The following FBXO25 variants were observed in gnomAD, a reference collection of about 807,000 sequenced individuals.
The protein encoded by FBXO25 is F-box only protein 25.
A neutral mutation model predicts 51.9 loss-of-function variants in FBXO25; 45 were observed. That is an observed-to-expected ratio of 0.87 (90% CI 0.68 to 1.11). The LOEUF (loss-of-function observed/expected upper bound fraction) is 1.11. Among genes scored for constraint, FBXO25 ranks in the 50% most tolerant of loss-of-function variants. The probability of loss-of-function intolerance (pLI) is 0.00; values close to 1 mark genes in which losing one functional copy is unlikely to be tolerated. For synonymous variants in FBXO25, 199 were observed against 151.0 expected (o/e 1.32, Z -2.33); for missense variants, 507 against 428.5 (o/e 1.18, Z -1.62).
chr8:426,857 G>T (rs1458657192), intron 2 of FBXO25, among the ~76,000 whole-genome samples: 284 of 146,184 alleles, frequency 1.9e-3, no homozygotes, highest in South Asian at 0.01. Flanking sequence ...CTCCCTTCAT[G>T]TAAGAAGGGT....
At chr8:462,937 A>C in intron 8 of FBXO25, 70 bp from the exon 9 acceptor site, 1 of 1,512,076 alleles carries the variant, frequency 6.6e-7, no homozygotes, top group South Asian at 1.3e-5. Context: ...AAAATGAAAA[A>C]GTTTTACACC....
At chr8:441,319 A>G (rs1174761264) in intron 5 of FBXO25, among the ~76,000 whole-genome samples, 2 of 152,234 alleles carry the variant, frequency 1.3e-5, no homozygotes, top group Non-Finnish European at 2.9e-5. Flanking sequence ...CCATATGCAA[A>G]AAACTGAAAC....
At chr8:448,703 T>G (rs1430829944) in intron 5 of FBXO25, among the ~76,000 whole-genome samples, 5 of 152,070 alleles carry the variant, frequency 3.3e-5, no homozygotes, top group Non-Finnish European at 4.4e-5. Context: ...AGGTCGGTGG[T>G]TAGAGGTTTG....
chr8:427,591 A>G (rs1281923930), intron 2 of FBXO25, among the ~76,000 whole-genome samples: 1 of 148,962 alleles, frequency 6.7e-6, no homozygotes, highest in Non-Finnish European at 1.5e-5. Context: ...TGTCCTCACA[A>G]TTCTGGAGGC....
intron 9 of FBXO25, among the ~76,000 whole-genome samples, chr8:464,408 C>T (rs181979878): frequency 6.6e-6 from 1 of 152,344 alleles, no homozygotes; most frequent in Non-Finnish European, 1.5e-5. Context: ...TGGAGTGACC[C>T]TGCTGAGCTG....
intron 8 of FBXO25, among the ~76,000 whole-genome samples, chr8:459,754 G>A (rs960338986): frequency 2.6e-5 from 4 of 152,158 alleles, no homozygotes; most frequent in African/African-American, 7.2e-5. Context: ...GAGAGGACAG[G>A]AGGCAACGGG....
intron 5 of FBXO25, among the ~76,000 whole-genome samples, chr8:444,255 C>G (rs892066387): frequency 2.6e-5 from 4 of 152,128 alleles, no homozygotes; most frequent in African/African-American, 7.2e-5. Flanking sequence ...TGTAGTAAGG[C>G]TGACTTTAAA....
intron 2 of FBXO25, 118 bp downstream of exon 2, chr8:413,331 G>A (rs1218410656): frequency 5.9e-6 from 8 of 1,352,798 alleles, no homozygotes; most frequent in East Asian, 2.7e-5. Context: ...CAGAAGGCTG[G>A]TGTGAAGAGA....
chr8:463,049 T>C lies in FBXO25; in HGVS notation c.886T>C (p.Trp296Arg). 1 of 1,613,520 alleles carries C rather than the reference T, an allele frequency of 6.2e-7. No individual in the cohort carries two copies. The highest frequency in any genetic ancestry group is 8.5e-7 in the Non-Finnish European group (1 of 1,179,896). The change falls in exon 9 of 10, where the codon TGG (tryptophan) becomes CGG (arginine). Residue 296 changes from tryptophan to arginine, a missense_variant. Coordinates refer to ENST00000350302, the MANE Select transcript of FBXO25 (RefSeq NM_183420.2). Reference sequence around the variant, plus strand: ...CCTTTCAGAAAAAGGTCATATTGAATGGAAGTTGATGTACTTTGCACTTCA... The same window carrying C: ...CCTTTCAGAAAAAGGTCATATTGAACGGAAGTTGATGTACTTTGCACTTCA... ...LILSEKGHIEWKLMYFALQKH... is the reference protein window; with the variant it reads ...LILSEKGHIERKLMYFALQKH...
chr8:411,842 G>C (rs73669372), intron 1 of FBXO25, among the ~76,000 whole-genome samples: 6,406 of 152,220 alleles, frequency 0.042, 190 homozygotes, highest in African/African-American at 0.078. Flanking sequence ...GTGAGCATCT[G>C]AGGTGGTTTT....
At chr8:416,778 G>T (rs1287579256) in intron 2 of FBXO25, among the ~76,000 whole-genome samples, 4 of 152,228 alleles carry the variant, frequency 2.6e-5, no homozygotes, top group Non-Finnish European at 5.9e-5. Flanking sequence ...ACTATGTGCT[G>T]TGGTGTCAGG....
intron 5 of FBXO25, among the ~76,000 whole-genome samples, chr8:439,097 G>A (rs182707569): frequency 7.2e-5 from 11 of 152,338 alleles, no homozygotes; most frequent in African/African-American, 2.6e-4. Flanking sequence ...CACAGAGAGG[G>A]AGACCAGTAC....
chr8:467,746 G>C, intron 9 of FBXO25: 5 of 1,613,898 alleles, frequency 3.1e-6, no homozygotes, highest in Non-Finnish European at 4.2e-6. Context: ...TACTATTCAA[G>C]GTACTTCCCT....
intron 2 of FBXO25, among the ~76,000 whole-genome samples, chr8:418,104 G>A (rs950613164): frequency 6.6e-6 from 1 of 152,036 alleles, no homozygotes; most frequent in African/African-American, 2.4e-5. Context: ...TCATCATGAG[G>A]GAATAATGGC....
chr8:450,049 T>C lies in FBXO25; in HGVS notation c.441T>C (p.Asn147=). Residue 147 remains asparagine (N), a synonymous_variant, in exon 6 of 10, where the codon AAT becomes AAC. Coordinates refer to ENST00000350302, the MANE Select transcript of FBXO25 (RefSeq NM_183420.2). ...CATTGAGTGGCGTGGCACAGAAGAA[T>C]TACTTCAACATTTTGGATAAAATCG... ...LTSLSGVAQK[N]YFNILDKIVQ... is the part of the protein sequence containing the mutation. 2 of 1,613,406 alleles carry C rather than the reference T, an allele frequency of 1.2e-6. No homozygotes were observed. The highest frequency in any genetic ancestry group is 2.2e-5 in the East Asian group (1 of 44,850).
In FBXO25 at chr8:463,018, T is replaced by G; in HGVS notation, c.855T>G (p.His285Gln). Residue 285 changes from histidine to glutamine, a missense_variant, in exon 9 of 10, where the codon CAT becomes CAG. By Grantham distance (24) the His-to-Gln change is conservative. Transcript: ENST00000350302. Reference sequence around the variant, plus strand: ...TTTTGTTTGTTTAGTTTTGTAGACATTTGATCCTTTCAGAAAAAGGTCATA... The same window carrying G: ...TTTTGTTTGTTTAGTTTTGTAGACAGTTGATCCTTTCAGAAAAAGGTCATA... ...YHFAEKQFCR[H>Q]LILSEKGHIE... 2.5e-6 allele frequency: 4 copies of G among 1,611,264 alleles called. No individual in the cohort carries two copies. The highest frequency in any genetic ancestry group is 3.4e-6 in the Non-Finnish European group (4 of 1,179,452).
At chr8:428,910 T>C (rs965260333) in intron 2 of FBXO25, among the ~76,000 whole-genome samples, 16 of 152,228 alleles carry the variant, frequency 1.1e-4, no homozygotes, top group African/African-American at 3.6e-4. Flanking sequence ...TTGTGTATAG[T>C]GTACACCACA....
chr8:432,460 A>C (rs1455684866), intron 3 of FBXO25, among the ~76,000 whole-genome samples: 1 of 152,228 alleles, frequency 6.6e-6, no homozygotes, highest in East Asian at 1.9e-4. Flanking sequence ...TATGAAGAAG[A>C]TAGGGTCACA....
Position 450,035 on chromosome 8 carries a change from G to C in FBXO25, c.427G>C (p.Val143Leu). Residue 143 changes from valine (V) to leucine (L), a missense_variant, in exon 6 of 10, where the codon GTG (valine) becomes CTG (leucine). Val to Leu is a conservative substitution (Grantham distance 32). Transcript: ENST00000350302. ...AKSQLTSLSG[V>L]AQKNYFNILD... ...ATCCCAGTTAACTTCATTGAGTGGC[G>C]TGGCACAGAAGAATTACTTCAACAT... The C allele has an allele frequency of 6.2e-7, 1 of 1,613,154 alleles. No homozygotes were observed. The highest frequency in any genetic ancestry group is 2.2e-5 in the East Asian group (1 of 44,798).
Sources: allele counts gnomAD v4.1 joint callset (sites outside exome capture counted in the v4.1 genomes callset), GRCh38; gene constraint gnomAD v4.1.1; transcripts MANE v1.5; gene names NCBI Gene and HGNC (gene_info 2026-07-23, HGNC 2026-07-21).